PCDH7: variants seen among roughly 807,000 people sequenced by gnomAD.
The protein encoded by PCDH7 is protocadherin 7.
Under a neutral mutation model 58.9 loss-of-function variants are expected in PCDH7, and 17 were observed. That is an observed-to-expected ratio of 0.29 (90% CI 0.20 to 0.43). The LOEUF is 0.43. Among genes scored for constraint, PCDH7 ranks in the 20% least tolerant of loss-of-function variants. PCDH7 has a pLI of 1.00. For missense variants in PCDH7, 1,274 were observed against 1,441.0 expected (o/e 0.88, Z 1.88); for synonymous variants, 664 against 616.4 (o/e 1.08, Z -1.14).
Position 31,016,258 on chromosome 4 carries a change from T to C in PCDH7, c.*7+66043T>C, listed in dbSNP as rs550573879. Among the ~76,000 whole-genome samples the C allele has an allele frequency of 3.9e-5, 6 of 152,292 alleles. No homozygotes were observed. The South Asian group carries it at 1.2e-3, about 32-fold the overall frequency. On this transcript the variant is annotated intron_variant, in intron 3 of 3. Transcript: ENST00000509759. Reference sequence around the variant, plus strand: ...TTATAACCACTTTCTGGGTGGACTGTTTTGACTAAGAAACAGGTTGTGAAC... The same window carrying C: ...TTATAACCACTTTCTGGGTGGACTGCTTTGACTAAGAAACAGGTTGTGAAC...
chr4:30,990,826 T>G (rs1053316676), intron 3 of PCDH7, among the ~76,000 whole-genome samples: 1 of 152,214 alleles, frequency 6.6e-6, no homozygotes, highest in African/African-American at 2.4e-5. Flanking sequence ...ACCATCTTGC[T>G]CAACTTCCCA....
chr4:30,990,300 A>G (rs1751363359), intron 3 of PCDH7, among the ~76,000 whole-genome samples: 1 of 152,084 alleles, frequency 6.6e-6, no homozygotes, highest in Non-Finnish European at 1.5e-5. Flanking sequence ...TACACAGACT[A>G]TATAGACACA....
Position 30,721,401 on chromosome 4 carries a change from G to A in PCDH7, c.-22G>A. 1 of 1,472,874 alleles carries A rather than the reference G, an allele frequency of 6.8e-7. No individual in the cohort carries two copies. Among genetic ancestry groups the A allele is most frequent in the Non-Finnish European group, 9.0e-7 (1 of 1,113,926 alleles). The allele number at this position is 1,472,874 out of a possible 1,614,324, so 91.2% of individuals were successfully genotyped here. ...GAGGGGGCTGTGGTTAGAAGGAGCA[G>A]TAGCAGCAGCAGCAGGAGAAGATGC... On this transcript the variant is annotated 5_prime_UTR_variant, in exon 1 of 2. Transcript: ENST00000361762. This position sits in a 1 kb window ranked among gnomAD's most constrained non-coding sequence, Gnocchi z 6.7.
chr4:30,817,939 AG>A (rs1162695932), intron 1 of PCDH7, among the ~76,000 whole-genome samples: 1 of 152,112 alleles, frequency 6.6e-6, no homozygotes, highest in Non-Finnish European at 1.5e-5. Flanking sequence ...TAAAGCCAAA[AG>A]CTTCAAGGTC....
At chr4:30,840,161 T>A (rs1200264535) in intron 1 of PCDH7, among the ~76,000 whole-genome samples, 2 of 151,848 alleles carry the variant, frequency 1.3e-5, no homozygotes, top group African/African-American at 4.8e-5. Flanking sequence ...TTTTTTTTAA[T>A]CTAATGTCCT....
chr4:30,825,301 A>G (rs1403965829), intron 1 of PCDH7, among the ~76,000 whole-genome samples: 1 of 152,150 alleles, frequency 6.6e-6, no homozygotes, highest in Non-Finnish European at 1.5e-5. Flanking sequence ...TAAGATTATC[A>G]ATATTATGTT....
intron 3 of PCDH7, among the ~76,000 whole-genome samples, chr4:30,968,376 C>CTATCTA (rs1749218988): frequency 1.5e-5 from 1 of 67,066 alleles, no homozygotes; most frequent in African/African-American, 7.0e-5. Context: ...TATACACACA[C>CTATCTA]TATATATATA....
intron 1 of PCDH7, among the ~76,000 whole-genome samples, chr4:30,763,586 G>A (rs1720323249): frequency 6.6e-6 from 1 of 152,326 alleles, no homozygotes; most frequent in East Asian, 1.9e-4. Flanking sequence ...CATGGGTATA[G>A]CTGTCTAGTC....
At chr4:30,768,917 C>G (rs1435686189) in intron 1 of PCDH7, among the ~76,000 whole-genome samples, 1 of 152,070 alleles carries the variant, frequency 6.6e-6, no homozygotes, top group Non-Finnish European at 1.5e-5. Context: ...GAAATCAAGT[C>G]GAGGAGATGA....
intron 1 of PCDH7, among the ~76,000 whole-genome samples, chr4:30,747,238 T>G (rs1717898927): frequency 6.6e-6 from 1 of 152,208 alleles, no homozygotes; most frequent in African/African-American, 2.4e-5. Context: ...ATCCTCTAAT[T>G]CATGTCCTAC....
chr4:31,044,433 C>T (rs1756124853), intron 3 of PCDH7, among the ~76,000 whole-genome samples: 1 of 151,744 alleles, frequency 6.6e-6, no homozygotes, highest in African/African-American at 2.4e-5. Flanking sequence ...TGGCTTTCTC[C>T]CTTTTCATTT....
Position 30,723,390 on chromosome 4 carries a change from C to T in PCDH7, c.1968C>T (p.Ser656=). The change falls in exon 1 of 2, where the codon AGC becomes AGT. Residue 656 remains serine, a synonymous_variant. Transcript: ENST00000361762. The surrounding 1 kb of genome is among the most constrained non-coding windows in gnomAD (Gnocchi z 4.6). ...TGAAAGAAAACTTGCAGCCCAACAG[C>T]CCTGTGGGGATGGTCACCGTGATGG... is the stretch of plus-strand genomic sequence containing the variant. The T allele has an allele frequency of 6.2e-7, 1 of 1,614,234 alleles. No homozygotes were observed. The highest frequency in any genetic ancestry group is 8.5e-7 in the Non-Finnish European group (1 of 1,180,038).
chr4:31,077,718 T>C lies in PCDH7; in HGVS notation c.*8-64755T>C, dbSNP rs772149332. Among the ~76,000 whole-genome samples the C allele has an allele frequency of 1.2e-4, 18 of 152,218 alleles. 2 individuals carry two copies. The South Asian group carries it at 2.9e-3, about 25-fold the overall frequency. ...GGTGCATTTCACCCACCTTCTACAATGGAATTGATAAGGAAAGCACATTTT... is the reference window on the plus strand; with the variant it reads ...GGTGCATTTCACCCACCTTCTACAACGGAATTGATAAGGAAAGCACATTTT... On this transcript the variant is annotated intron_variant, in intron 3 of 3. Coordinates refer to the PCDH7 transcript ENST00000509759.
chr4:30,863,660 G>A (rs1021225903), intron 1 of PCDH7, among the ~76,000 whole-genome samples: 11 of 152,016 alleles, frequency 7.2e-5, no homozygotes, highest in African/African-American at 2.7e-4. Flanking sequence ...TGTCTGACTA[G>A]GATTGTTAAC....
At chr4:31,114,183 A>T (rs1716706983) in intron 3 of PCDH7, among the ~76,000 whole-genome samples, 1 of 152,034 alleles carries the variant, frequency 6.6e-6, no homozygotes, top group South Asian at 2.1e-4. Flanking sequence ...GTATTATTCT[A>T]TCCTCATTTT....
At chr4:30,860,647 C>T (rs1012944641) in intron 1 of PCDH7, among the ~76,000 whole-genome samples, 12 of 152,112 alleles carry the variant, frequency 7.9e-5, no homozygotes, top group South Asian at 4.2e-4. Context: ...TGCCCCAAGA[C>T]GAAAAACAGC....
intron 3 of PCDH7, among the ~76,000 whole-genome samples, chr4:31,075,883 C>A (rs903854759): frequency 1.3e-5 from 2 of 152,088 alleles, no homozygotes; most frequent in Non-Finnish European, 2.9e-5. Flanking sequence ...CCATATATCC[C>A]AGAAGCAAAA....
chr4:30,763,663 A>G (rs1720332035), intron 1 of PCDH7, among the ~76,000 whole-genome samples: 1 of 152,126 alleles, frequency 6.6e-6, no homozygotes, highest in Non-Finnish European at 1.5e-5. Context: ...TTTGTTTTTG[A>G]TCTCAGTATT....
intron 3 of PCDH7, among the ~76,000 whole-genome samples, chr4:31,105,616 G>T (rs142686224): frequency 6.6e-6 from 1 of 152,148 alleles, no homozygotes; most frequent in Non-Finnish European, 1.5e-5. Flanking sequence ...TGACACTAGT[G>T]TAGGTGTGTG....
Sources: gnomAD v4.1 joint callset for allele counts (sites outside exome capture counted in the v4.1 genomes callset) on GRCh38, gnomAD v4.1.1 for gene constraint, Gnocchi (gnomAD v3.1) non-coding constraint, MANE v1.5 for transcripts, NCBI Gene and HGNC (gene_info 2026-07-23, HGNC 2026-07-21) for gene names.